ZNF2: variants seen among roughly 807,000 people sequenced by gnomAD.
ZNF2 encodes the protein zinc finger protein 2.2.
ZNF2 carries 12 observed loss-of-function variants against 21.9 expected under a neutral mutation model. The ratio of observed to expected loss-of-function variants is 0.55; its 90% confidence interval spans 0.35 to 0.89. The LOEUF is 0.89. Among genes scored for constraint, ZNF2 ranks in the 40% least tolerant of loss-of-function variants. The pLI, the probability that ZNF2 is intolerant of heterozygous loss-of-function variation, is 0.01. For missense variants in ZNF2, 462 were observed against 544.2 expected (o/e 0.85, Z 1.50); for synonymous variants, 186 against 196.3 (o/e 0.95, Z 0.44).
At chr2:95,174,711 G>A (rs544849999) in intron 1 of ZNF2, among the ~76,000 whole-genome samples, 6 of 152,230 alleles carry the variant, frequency 3.9e-5, no homozygotes, top group South Asian at 4.2e-4. Flanking sequence ...TGTGCATATC[G>A]CTTTGCTGCT....
In ZNF2 at chr2:95,182,895, G is replaced by A. The variant is rs771158747; in HGVS notation, c.*789G>A. ...CTCAACTAGATTGTAAGCACTTGGA[G>A]GTGTGACTTACAGGTCTTTGTATCT... On this transcript the variant is annotated 3_prime_UTR_variant, in exon 5 of 5. Coordinates refer to ENST00000614034, the MANE Select transcript of ZNF2 (RefSeq NM_021088.4). 1 of 152,118 alleles carries A rather than the reference G, an allele frequency of 6.6e-6. No individual in the cohort carries two copies. The highest frequency in any genetic ancestry group is 1.5e-5 in the Non-Finnish European group (1 of 68,036). The allele number at this position is 152,118 out of a possible 1,614,324, so 9.4% of individuals were successfully genotyped here.
intron 1 of ZNF2, 123 bp from the exon 2 acceptor site, chr2:95,176,065 C>G: frequency 2.3e-6 from 2 of 878,864 alleles, no homozygotes; most frequent in South Asian, 2.7e-5. Context: ...TACTTAGACC[C>G]CCTTTTGTAA....
At chr2:95,170,297 G>A (rs183100911) in intron 1 of ZNF2, among the ~76,000 whole-genome samples, 5 of 152,236 alleles carry the variant, frequency 3.3e-5, no homozygotes, top group East Asian at 1.9e-4. Flanking sequence ...ATCTCTCCCC[G>A]TTAGGTTGGG....
intron 3 of ZNF2, 68 bp downstream of exon 3, chr2:95,177,677 A>G (rs984266987): frequency 1.1e-5 from 17 of 1,538,578 alleles, no homozygotes; most frequent in Non-Finnish European, 1.5e-5. Context: ...GGGCTGAGGA[A>G]TTAATACCGT....
At position 95,182,088 on chromosome 2, in the gene ZNF2, C is replaced by A. The variant is rs899644995; in HGVS notation, c.1260C>A (p.Ala420=). The change falls in exon 5 of 5, where the codon GCC becomes GCA. Residue 420 remains alanine (A), a synonymous_variant. Transcript: ENST00000614034. Reference sequence around the variant, plus strand: ...TTATTCAACATCAACGGCGTTACGCCAAACAGGGAATAGACTGAGTTGGGC... The same window carrying A: ...TTATTCAACATCAACGGCGTTACGCAAAACAGGGAATAGACTGAGTTGGGC... ...SSVIQHQRRY[A]KQGID 11 of 1,606,578 alleles carry A rather than the reference C, an allele frequency of 6.8e-6. No individual in the cohort carries two copies. The African/African-American group carries it at 1.5e-4, about 21-fold the overall frequency.
At chr2:95,169,170 A>T (rs566692335) in intron 1 of ZNF2, among the ~76,000 whole-genome samples, 2 of 152,268 alleles carry the variant, frequency 1.3e-5, no homozygotes, top group South Asian at 4.1e-4. Flanking sequence ...TAATGGGGAG[A>T]GAAGTCTACG....
In ZNF2 at chr2:95,181,284, G is replaced by A. The variant is rs1674634997; in HGVS notation, c.456G>A (p.Arg152=). Residue 152 remains arginine (R), a synonymous_variant, in exon 5 of 5, where the codon CGG becomes CGA. Coordinates refer to ENST00000614034, the MANE Select transcript of ZNF2 (RefSeq NM_021088.4). ...SGETRKKSLS[R]DKGLRRRSAL... is the part of the protein sequence containing the mutation. The stretch of plus-strand genomic sequence containing the variant: ...AGACTCGTAAGAAATCCCTCTCCCG[G>A]GACAAAGGCTTGCGGCGACGGTCAG... The A allele has an allele frequency of 6.2e-7, 1 of 1,614,174 alleles. No individual in the cohort carries two copies. The highest frequency in any genetic ancestry group is 1.7e-5 in the Admixed American group (1 of 60,030).
At chr2:95,169,133 G>A (rs1392883255) in intron 1 of ZNF2, among the ~76,000 whole-genome samples, 1 of 152,206 alleles carries the variant, frequency 6.6e-6, no homozygotes, top group African/African-American at 2.4e-5. Flanking sequence ...TGAGCTTACT[G>A]AAGTGACTGC....
intron 3 of ZNF2, among the ~76,000 whole-genome samples, chr2:95,179,604 A>G (rs1371707178): frequency 6.6e-6 from 1 of 151,906 alleles, no homozygotes; most frequent in Middle Eastern, 3.2e-3. Context: ...ACAGGGAAGA[A>G]TAAACACGTG....
intron 3 of ZNF2, 38 bp from the exon 4 acceptor site, chr2:95,180,121 C>A: frequency 1.4e-6 from 2 of 1,431,768 alleles, no homozygotes; most frequent in Non-Finnish European, 2.0e-6. Context: ...ATTTTCATCA[C>A]ACACAGCCAC....
rs1674584511 is a variant in ZNF2 at position 95,180,057 on chromosome 2, A to G, written c.161-102A>G. Reference sequence around the variant, plus strand: ...GGGCGACAGAGTGAGATGCTGTCTCAACAACAACAAAAAAATCTTAGAGGC... The same window carrying G: ...GGGCGACAGAGTGAGATGCTGTCTCGACAACAACAAAAAAATCTTAGAGGC... On this transcript the variant is annotated intron_variant, in intron 3 of 4. Transcript: ENST00000614034. The G allele has an allele frequency of 6.0e-6, 5 of 827,684 alleles. No individual in the cohort carries two copies. In the Admixed American group the frequency reaches 8.0e-5, roughly 13 times the overall value. The allele number at this position is 827,684 out of a possible 1,614,324, so 51.3% of individuals were successfully genotyped here.
chr2:95,178,849 C>T (rs1162820440), intron 3 of ZNF2, among the ~76,000 whole-genome samples: 1 of 151,990 alleles, frequency 6.6e-6, no homozygotes, highest in Admixed American at 6.5e-5. Flanking sequence ...TTATGTTATC[C>T]ATACAATGTC....
chr2:95,169,772 C>G (rs955814268), intron 1 of ZNF2, among the ~76,000 whole-genome samples: 1 of 152,032 alleles, frequency 6.6e-6, no homozygotes, highest in Non-Finnish European at 1.5e-5. Context: ...CAAAAAAATG[C>G]AACAACTCAG....
rs35251226 is a variant in ZNF2 at position 95,178,984 on chromosome 2, G to T, written c.161-1175G>T. Among the ~76,000 whole-genome samples, 576 of 144,042 alleles carry T rather than the reference G, an allele frequency of 4.0e-3. 3 individuals are homozygous for T. The highest frequency in any genetic ancestry group is 0.01 in the Admixed American group (152 of 14,494). 94.5% of individuals were successfully genotyped at this position (144,042 alleles called of 152,430 possible). On this transcript the variant is annotated intron_variant, in intron 3 of 4. Transcript: ENST00000614034. ...AGCGTCATTTCATTATCCAGGTTTG[G>T]TTTTTTTTGTTTTTTTTTTTTTTTT...
intron 1 of ZNF2, among the ~76,000 whole-genome samples, chr2:95,173,361 C>G (rs1674345717): frequency 6.6e-6 from 1 of 152,180 alleles, no homozygotes; most frequent in Non-Finnish European, 1.5e-5. Flanking sequence ...TAGTGATCTT[C>G]TCCCCAGTGA....
intron 1 of ZNF2, among the ~76,000 whole-genome samples, chr2:95,172,052 T>C (rs1433027683): frequency 6.6e-6 from 1 of 152,152 alleles, no homozygotes; most frequent in Non-Finnish European, 1.5e-5. Flanking sequence ...CCCATGTGGG[T>C]GTCACATGGA....
Position 95,181,556 on chromosome 2 carries a change from C to T in ZNF2, c.728C>T (p.Ser243Phe). Residue 243 changes from serine (S) to phenylalanine (F), a missense_variant, in exon 5 of 5, where the codon TCC becomes TTC. Physicochemically the swap from Ser to Phe is radical, Grantham distance 155 (BLOSUM62 -2). Coordinates refer to ENST00000614034, the MANE Select transcript of ZNF2 (RefSeq NM_021088.4). ...VCSKAFFDRS[S>F]LTVHQRIHTG... The stretch of plus-strand genomic sequence containing the variant: ...TCAAAAGCCTTCTTTGACCGTTCGT[C>T]CCTAACTGTCCATCAGCGAATTCAC... 1.9e-6 allele frequency: 3 copies of T among 1,614,200 alleles called. No homozygotes were observed. The highest frequency in any genetic ancestry group is 2.5e-6 in the Non-Finnish European group (3 of 1,180,040).
chr2:95,177,884 C>T (rs1336329925), intron 3 of ZNF2, among the ~76,000 whole-genome samples: 2 of 152,048 alleles, frequency 1.3e-5, no homozygotes, highest in Non-Finnish European at 2.9e-5. Flanking sequence ...GGAGGGCCAG[C>T]GAGGGCTGAG....
At position 95,182,125 on chromosome 2, in the gene ZNF2, T is replaced by G; in HGVS notation, c.*19T>G. On this transcript the variant is annotated 3_prime_UTR_variant, in exon 5 of 5. Transcript: ENST00000614034. ...AGACTGAGTTGGGCAAAAGCTTGGG[T>G]AGGACAAGAACTTCCATACAAATTT... The G allele has an allele frequency of 6.4e-7, 1 of 1,574,112 alleles. No homozygotes were observed. The highest frequency in any genetic ancestry group is 1.4e-5 in the African/African-American group (1 of 73,808).
Sources: gnomAD v4.1 joint callset for allele counts (sites outside exome capture counted in the v4.1 genomes callset) on GRCh38, gnomAD v4.1.1 for gene constraint, MANE v1.5 for transcripts, NCBI Gene and HGNC (gene_info 2026-07-23, HGNC 2026-07-21) for gene names.